ARFGAP3: variants seen among roughly 807,000 people sequenced by gnomAD.
ARFGAP3 encodes ADP-ribosylation factor GTPase-activating protein 3.
Under a neutral mutation model 75.0 loss-of-function variants are expected in ARFGAP3, and 72 were observed. The ratio of observed to expected loss-of-function variants is 0.96; its 90% CI spans 0.79 to 1.17. ARFGAP3 has a LOEUF of 1.17. ARFGAP3 is among the 50% of genes most tolerant of loss of function. The pLI, the probability that ARFGAP3 is intolerant of heterozygous loss-of-function variation, is 0.00. For missense variants in ARFGAP3, 620 were observed against 626.6 expected (o/e 0.99, Z 0.11); for synonymous variants, 221 against 217.9 (o/e 1.01, Z -0.13).
chr22:42,854,060 A>T (rs117651913), intron 1 of ARFGAP3, among the ~76,000 whole-genome samples: 1,744 of 152,348 alleles, frequency 0.011, 26 homozygotes, highest in South Asian at 0.043. Context: ...GATCCCATGC[A>T]GTCTGTTCCC....
intron 1 of ARFGAP3, among the ~76,000 whole-genome samples, chr22:42,854,955 T>C (rs929484063): frequency 1.6e-5 from 2 of 121,832 alleles, no homozygotes; most frequent in African/African-American, 5.9e-5. Context: ...TATTACAGAA[T>C]ATAAATTTTT....
chr22:42,856,963 C>T, intron 1 of ARFGAP3, 151 bp downstream of exon 1: 2 of 706,048 alleles, frequency 2.8e-6, no homozygotes, highest in Non-Finnish European at 3.7e-6. Context: ...CCGCCCGCCC[C>T]GGCCCGGCCA....
chr22:42,828,359 C>T (rs900161580), intron 6 of ARFGAP3, among the ~76,000 whole-genome samples: 1 of 151,382 alleles, frequency 6.6e-6, no homozygotes. Context: ...GAGTTCAAGA[C>T]CAGCCTGGCC....
chr22:42,814,450 A>G (rs1024579645), intron 11 of ARFGAP3, among the ~76,000 whole-genome samples: 2 of 152,198 alleles, frequency 1.3e-5, no homozygotes, highest in Non-Finnish European at 2.9e-5. Flanking sequence ...GTCTCTCTGG[A>G]AAGAGTCCAG....
intron 11 of ARFGAP3, among the ~76,000 whole-genome samples, chr22:42,812,218 C>T (rs1272331830): frequency 2.7e-4 from 22 of 80,036 alleles, no homozygotes; most frequent in African/African-American, 1.3e-3. Flanking sequence ...GAGTGGGATA[C>T]TGTCTCAAAA....
chr22:42,836,002 TGA>T (rs1210578019), intron 3 of ARFGAP3, among the ~76,000 whole-genome samples: 4 of 94,574 alleles, frequency 4.2e-5, no homozygotes, highest in African/African-American at 9.6e-5. Flanking sequence ...TTTTTTTTTT[TGA>T]GAGAGTCTTG....
rs201777976 is a variant in ARFGAP3 at position 42,834,223 on chromosome 22, T to C, written c.477+19A>G. The C allele has an allele frequency of 1.9e-5, 30 of 1,607,304 alleles. No individual in the cohort carries two copies. The East Asian group carries it at 6.3e-4, about 34-fold the overall frequency. On this transcript the variant is annotated intron_variant, in intron 5 of 15. Transcript: ENST00000263245. ...TCAGAGTAAGCACACTTTAAAATGATGTGAAGCATAATACATACCTCAGGA... is the reference window on the plus strand; with the variant it reads ...TCAGAGTAAGCACACTTTAAAATGACGTGAAGCATAATACATACCTCAGGA...
At chr22:42,845,018 C>T (rs1926950593) in intron 2 of ARFGAP3, among the ~76,000 whole-genome samples, 1 of 152,154 alleles carries the variant, frequency 6.6e-6, no homozygotes, top group Admixed American at 6.5e-5. Context: ...ATCATAAAAC[C>T]ACCCGATTTC....
rs1569172703 is a variant in ARFGAP3 at position 42,847,510 on chromosome 22, T to C, written c.188+4A>G. ...CTCACCCCAATGAGAGAAGATTCACTTACCGAATAAAACTCAAGTGAACAC... is the reference window on the plus strand; with the variant it reads ...CTCACCCCAATGAGAGAAGATTCACCTACCGAATAAAACTCAAGTGAACAC... On this transcript the variant is annotated splice_donor_region_variant and intron_variant, in intron 2 of 15. Transcript: ENST00000263245. The C allele has an allele frequency of 6.2e-7, 1 of 1,609,812 alleles. No individual in the cohort carries two copies. The highest frequency in any genetic ancestry group is 2.2e-5 in the East Asian group (1 of 44,806).
chr22:42,845,584 TG>T (rs57618918), intron 2 of ARFGAP3, among the ~76,000 whole-genome samples: 3,574 of 147,550 alleles, frequency 0.024, 138 homozygotes, highest in African/African-American at 0.085. Flanking sequence ...TTTGATTCAA[TG>T]GGGAAAAGAC....
At chr22:42,840,503 G>C (rs2146573709) in intron 3 of ARFGAP3, among the ~76,000 whole-genome samples, 1 of 149,214 alleles carries the variant, frequency 6.7e-6, no homozygotes, top group African/African-American at 2.5e-5. Context: ...TGCAACCTCT[G>C]CCTCCCAGGT....
chr22:42,810,057 C>CTAGG (rs1394207787), intron 12 of ARFGAP3, among the ~76,000 whole-genome samples: 1 of 150,760 alleles, frequency 6.6e-6, no homozygotes, highest in Non-Finnish European at 1.5e-5. Context: ...CCTTCCTGAC[C>CTAGG]TAGGCCACCC....
Position 42,823,687 on chromosome 22 carries a change from A to T in ARFGAP3, c.641T>A (p.Ile214Lys). 1 of 1,572,900 alleles carries T rather than the reference A, an allele frequency of 6.4e-7. No homozygotes were observed. The highest frequency in any genetic ancestry group is 8.6e-7 in the Non-Finnish European group (1 of 1,156,764). The change falls in exon 8 of 16, where the codon ATA becomes AAA. Residue 214 changes from isoleucine to lysine, a missense_variant. Ile to Lys is a moderately radical substitution (Grantham distance 102, BLOSUM62 -3). Transcript: ENST00000263245. ...TKATLEVSSIIKKKPNQAKKG... is the reference protein window; with the variant it reads ...TKATLEVSSIKKKKPNQAKKG... ...TTTAGCTTGATTTGGTTTCTTTTTT[A>T]TGATAGAGGATACCTCTGCCAAAAA...
chr22:42,840,986 C>A lies in ARFGAP3; in HGVS notation c.219G>T (p.Trp73Cys). Residue 73 changes from tryptophan (W) to cysteine (C), a missense_variant, in exon 3 of 16, where the codon TGG (tryptophan) becomes TGT (cysteine). By Grantham distance (215) the Trp-to-Cys change is radical. Coordinates refer to ENST00000263245, the MANE Select transcript of ARFGAP3 (RefSeq NM_014570.5). Reference protein sequence around the residue: ...RSTELDSNWSWFQLRCMQVGG... With the variant: ...RSTELDSNWSCFQLRCMQVGG... Reference sequence around the variant, plus strand: ...CGACTTGCATGCATCGCAACTGAAACCATGACCAGTTGGAATCCAACTCTG... The same window carrying A: ...CGACTTGCATGCATCGCAACTGAAAACATGACCAGTTGGAATCCAACTCTG... The A allele has an allele frequency of 1.9e-6, 3 of 1,614,108 alleles. No individual in the cohort carries two copies. The highest frequency in any genetic ancestry group is 2.5e-6 in the Non-Finnish European group (3 of 1,180,008).
At chr22:42,844,590 A>AT (rs1287337709) in intron 2 of ARFGAP3, among the ~76,000 whole-genome samples, 4 of 80,422 alleles carry the variant, frequency 5.0e-5, no homozygotes, top group African/African-American at 2.9e-4. Context: ...GTCTCAAAGG[A>AT]AAAAAAAAAA....
Position 42,817,127 on chromosome 22 carries a change from T to C in ARFGAP3, c.1064+15A>G. ...TTTCAAAATGACACTTCAACGATGA[T>C]TTGTAATACAGTACCTTGAGCTGGA... is the stretch of plus-strand genomic sequence containing the variant. On this transcript the variant is annotated intron_variant, in intron 11 of 15. Transcript: ENST00000263245. 1 of 1,551,386 alleles carries C rather than the reference T, an allele frequency of 6.4e-7. No homozygotes were observed.
rs144427016 is a variant in ARFGAP3 at position 42,817,181 on chromosome 22, T to C, written c.1025A>G (p.Asn342Ser). ...AAAATATGAATCGTCACTGTCATCA[T>C]TATACTTTTTTCTTGGTTTTGCCAT... ...PIMAKPRKKY[N>S]DDSDDSYFTS... Residue 342 changes from asparagine to serine, a missense_variant, in exon 11 of 16, where the codon AAT becomes AGT. Coordinates refer to ENST00000263245, the MANE Select transcript of ARFGAP3 (RefSeq NM_014570.5). The C allele has an allele frequency of 5.5e-4, 895 of 1,613,584 alleles. 15 individuals are homozygous for C. In the South Asian group the frequency reaches 8.7e-3, roughly 16 times the overall value.
chr22:42,809,101 C>A (rs1420124534), intron 12 of ARFGAP3: 1 of 237,764 alleles, frequency 4.2e-6, no homozygotes, highest in South Asian at 1.6e-4. Flanking sequence ...AAAACGGGGT[C>A]TGTTATTTCA....
At chr22:42,818,806 A>T (rs1325762874) in intron 9 of ARFGAP3, among the ~76,000 whole-genome samples, 1 of 84,978 alleles carries the variant, frequency 1.2e-5, no homozygotes, top group Non-Finnish European at 2.9e-5. Context: ...ATAGGGAAAG[A>T]CAACAGAATT....
Sources: allele counts gnomAD v4.1 joint callset (sites outside exome capture counted in the v4.1 genomes callset), GRCh38; gene constraint gnomAD v4.1.1; transcripts MANE v1.5; gene names NCBI Gene and HGNC (gene_info 2026-07-23, HGNC 2026-07-21).